LINGO2: variants seen among roughly 807,000 people sequenced by gnomAD.
LINGO2 encodes the protein leucine rich repeat and Ig domain containing 2.
In LINGO2, 14 loss-of-function variants were observed where a neutral mutation model predicts 30.6. The ratio of observed to expected loss-of-function variants is 0.46; its 90% CI spans 0.30 to 0.72. The LOEUF is 0.72. Ranked by LOEUF, LINGO2 falls within the 30% of genes least tolerant of loss-of-function variation. LINGO2 has a pLI of 0.07. For synonymous variants in LINGO2, 317 were observed against 288.5 expected, an observed-to-expected ratio of 1.10 and a Z score of -1.00; for missense variants, 729 against 751.7, an observed-to-expected ratio of 0.97 and a Z score of 0.35.
intron 1 of LINGO2, among the ~76,000 whole-genome samples, chr9:28,506,497 C>T (rs368212000): frequency 0.81 from 67,754 of 83,822 alleles, 28,470 homozygotes; most frequent in South Asian, 0.87. Flanking sequence ...TACACACACA[C>T]ACACAGACAT....
the LINGO2 span, among the ~76,000 whole-genome samples, chr9:29,003,761 C>T: frequency 3.9e-5 from 6 of 152,010 alleles, no homozygotes; most frequent in Admixed American, 3.9e-4. Context: ...AATCTCTTTT[C>T]TAGTTACAAA....
intron 1 of LINGO2, among the ~76,000 whole-genome samples, chr9:28,559,882 G>C (rs1189920097): frequency 6.6e-6 from 1 of 151,856 alleles, no homozygotes. Flanking sequence ...GAAAAACAGA[G>C]AATAATCCAG....
At chr9:28,499,694 C>T (rs1259964614) in intron 1 of LINGO2, among the ~76,000 whole-genome samples, 1 of 152,170 alleles carries the variant, frequency 6.6e-6, no homozygotes, top group African/African-American at 2.4e-5. Flanking sequence ...TAGCACAGTA[C>T]ATGGCCATAG....
At chr9:28,498,993 G>C (rs777993992) in intron 1 of LINGO2, among the ~76,000 whole-genome samples, 18 of 151,560 alleles carry the variant, frequency 1.2e-4, no homozygotes, top group Non-Finnish European at 2.1e-4. Flanking sequence ...TTAAATATCA[G>C]AAAGAAAGCA....
chr9:28,424,032 T>A (rs77943419), intron 2 of LINGO2, among the ~76,000 whole-genome samples: 83 of 152,232 alleles, frequency 5.5e-4, no homozygotes, highest in Non-Finnish European at 1.1e-3. Flanking sequence ...ACTGGTATTA[T>A]GGGCTCATGC....
intron 4 of LINGO2, among the ~76,000 whole-genome samples, chr9:28,255,425 G>A (rs1822350916): frequency 6.6e-6 from 1 of 151,952 alleles, no homozygotes; most frequent in African/African-American, 2.4e-5. Context: ...TTGAAACCCT[G>A]CTCTACTATT....
At chr9:28,341,533 A>G (rs1374408432) in intron 3 of LINGO2, among the ~76,000 whole-genome samples, 2 of 152,264 alleles carry the variant, frequency 1.3e-5, no homozygotes, top group East Asian at 1.9e-4. Flanking sequence ...GCAGCTAATA[A>G]AGCACATGGG....
chr9:28,597,508 C>G (rs537366462), intron 1 of LINGO2, among the ~76,000 whole-genome samples: 27 of 152,128 alleles, frequency 1.8e-4, no homozygotes, highest in Non-Finnish European at 3.7e-4. Flanking sequence ...CTTAACAAAG[C>G]TAGGCATCAA....
At chr9:28,773,828 T>A in the LINGO2 span, among the ~76,000 whole-genome samples, 1 of 152,174 alleles carries the variant, frequency 6.6e-6, no homozygotes, top group Non-Finnish European at 1.5e-5. Context: ...TAAATGTGGA[T>A]GTTTTTCAGT....
At chr9:28,612,492 C>T (rs958185963) in intron 1 of LINGO2, among the ~76,000 whole-genome samples, 14 of 152,126 alleles carry the variant, frequency 9.2e-5, no homozygotes, top group Admixed American at 9.2e-4. Context: ...CTGCCCAAGG[C>T]TGTGGGAGTG....
At chr9:28,724,200 C>T in the LINGO2 span, among the ~76,000 whole-genome samples, 1 of 152,078 alleles carries the variant, frequency 6.6e-6, no homozygotes, top group Admixed American at 6.6e-5. Context: ...ATATAAACCA[C>T]TGTTTCTTGA....
intron 4 of LINGO2, among the ~76,000 whole-genome samples, chr9:28,176,814 C>T (rs1325569575): frequency 1.3e-5 from 2 of 152,132 alleles, no homozygotes; most frequent in Non-Finnish European, 2.9e-5. Context: ...AAAATGTAAG[C>T]ACGTGTAGTG....
At chr9:28,253,418 T>C (rs1026331028) in intron 4 of LINGO2, among the ~76,000 whole-genome samples, 2 of 152,196 alleles carry the variant, frequency 1.3e-5, no homozygotes, top group South Asian at 4.1e-4. Flanking sequence ...CCAATTATTT[T>C]AGAATTTATG....
chr9:28,229,223 T>C (rs781204326), intron 4 of LINGO2, among the ~76,000 whole-genome samples: 19 of 151,840 alleles, frequency 1.3e-4, no homozygotes, highest in Non-Finnish European at 2.5e-4. Context: ...AGTTAAATTA[T>C]ATTTTGTTCT....
At position 28,117,454 on chromosome 9, in the gene LINGO2, C is replaced by A. The variant is rs1243765486; in HGVS notation, c.-86-105049G>T. On this transcript the variant is annotated intron_variant, in intron 4 of 5. Coordinates refer to ENST00000379992, the Ensembl canonical transcript of LINGO2. ...TGGGCTCCACCCAGTTCGAGCTTCC[C>A]GGCTGCTTTGTTTACCTAAGCAAGC... Among the ~76,000 whole-genome samples, 177 of 101,908 alleles carry A rather than the reference C, an allele frequency of 1.7e-3. 1 individual carries two copies. The highest frequency in any genetic ancestry group is 4.2e-3 in the Middle Eastern group (1 of 240). The allele number at this position is 101,908 out of a possible 152,430, so 66.9% of individuals were successfully genotyped here.
chr9:28,493,453 A>C (rs1442082914), intron 1 of LINGO2, among the ~76,000 whole-genome samples: 1 of 152,218 alleles, frequency 6.6e-6, no homozygotes, highest in African/African-American at 2.4e-5. Flanking sequence ...AGACATGATA[A>C]TAAATCATTG....
At chr9:28,679,823 T>A in the LINGO2 span, among the ~76,000 whole-genome samples, 8 of 152,078 alleles carry the variant, frequency 5.3e-5, no homozygotes, top group Non-Finnish European at 1.0e-4. Context: ...TTATATTAAT[T>A]GATAAAAATT....
intron 1 of LINGO2, among the ~76,000 whole-genome samples, chr9:28,543,699 T>C (rs920563301): frequency 6.6e-6 from 1 of 152,100 alleles, no homozygotes; most frequent in African/African-American, 2.4e-5. Flanking sequence ...CACTTAAGAA[T>C]GCTTGAAAGA....
intron 1 of LINGO2, among the ~76,000 whole-genome samples, chr9:28,642,506 T>G (rs974957264): frequency 6.6e-6 from 1 of 152,168 alleles, no homozygotes; most frequent in African/African-American, 2.4e-5. Context: ...TTAAGTTTTT[T>G]GGGGCAAGAG....
Sources: allele counts gnomAD v4.1 joint callset (sites outside exome capture counted in the v4.1 genomes callset), GRCh38; gene constraint gnomAD v4.1.1; transcripts MANE v1.5; gene names NCBI Gene and HGNC (gene_info 2026-07-23, HGNC 2026-07-21).